The following LRBA variants were observed in gnomAD, a reference collection of about 807,000 sequenced individuals.
LRBA encodes LPS responsive beige-like anchor protein, also known as lipopolysaccharide-responsive and beige-like anchor protein.
In LRBA, 176 loss-of-function variants were observed where a neutral mutation model predicts 330.0. That is an observed-to-expected ratio of 0.53 (90% CI 0.47 to 0.60). The LOEUF is 0.60. Ranked by LOEUF, LRBA falls within the 20% of genes least tolerant of loss-of-function variation. The probability of loss-of-function intolerance (pLI) is 0.00; values close to 1 mark genes in which losing one functional copy is unlikely to be tolerated. For missense variants in LRBA, 3,259 were observed against 3,444.8 expected, an observed-to-expected ratio of 0.95 and a Z score of 1.35; for synonymous variants, 1,230 against 1,193.0, an observed-to-expected ratio of 1.03 and a Z score of -0.64.
At chr4:150,880,881 C>A (rs948603467) in intron 17 of LRBA, among the ~76,000 whole-genome samples, 2 of 152,032 alleles carry the variant, frequency 1.3e-5, no homozygotes, top group African/African-American at 2.4e-5. Flanking sequence ...GGAAACGCCA[C>A]AAACAGACAC....
At chr4:150,821,303 G>A (rs1745404170) in intron 30 of LRBA, among the ~76,000 whole-genome samples, 1 of 151,792 alleles carries the variant, frequency 6.6e-6, no homozygotes, top group Non-Finnish European at 1.5e-5. Flanking sequence ...TTTTCTTTAT[G>A]AACTCACTAT....
intron 34 of LRBA, among the ~76,000 whole-genome samples, chr4:150,790,205 T>C (rs1739696967): frequency 6.6e-6 from 1 of 152,202 alleles, no homozygotes; most frequent in Non-Finnish European, 1.5e-5. Context: ...GTCAGCATGG[T>C]ATCATCCTTC....
At chr4:150,386,557 GGC>G (rs1203384027) in intron 47 of LRBA, among the ~76,000 whole-genome samples, 2 of 151,798 alleles carry the variant, frequency 1.3e-5, no homozygotes, top group African/African-American at 2.4e-5. Context: ...TGAGGATAAT[GGC>G]CTCCAGCTCC....
At chr4:150,927,157 A>G (rs1733972353) in intron 4 of LRBA, among the ~76,000 whole-genome samples, 1 of 151,800 alleles carries the variant, frequency 6.6e-6, no homozygotes, top group Non-Finnish European at 1.5e-5. Flanking sequence ...GGCAGATCAC[A>G]AGGTTAGGAG....
intron 42 of LRBA, among the ~76,000 whole-genome samples, chr4:150,476,037 G>C (rs536546679): frequency 6.6e-6 from 1 of 152,124 alleles, no homozygotes; most frequent in South Asian, 2.1e-4. Context: ...CAATTTTACT[G>C]ATCTTTGCAA....
At chr4:150,620,421 G>A (rs1390630827) in intron 37 of LRBA, among the ~76,000 whole-genome samples, 1 of 152,100 alleles carries the variant, frequency 6.6e-6, no homozygotes, top group Non-Finnish European at 1.5e-5. Context: ...ATTAAAAGTA[G>A]GTCTACCATT....
intron 40 of LRBA, among the ~76,000 whole-genome samples, chr4:150,558,653 A>T (rs1329879267): frequency 6.6e-5 from 10 of 152,140 alleles, no homozygotes; most frequent in Admixed American, 6.6e-4. Flanking sequence ...AGAAACTAAG[A>T]CCTGGGCATT....
chr4:150,836,617 T>C (rs538982364), intron 28 of LRBA, among the ~76,000 whole-genome samples: 2 of 152,354 alleles, frequency 1.3e-5, no homozygotes, highest in East Asian at 3.9e-4. Flanking sequence ...TGGTAATTTG[T>C]ATTTCTGTGG....
intron 34 of LRBA, among the ~76,000 whole-genome samples, chr4:150,790,455 T>C (rs1578791152): frequency 6.6e-6 from 1 of 152,022 alleles, no homozygotes; most frequent in African/African-American, 2.4e-5. Flanking sequence ...ATTTTATTTT[T>C]GAAAAGAAAA....
At chr4:150,649,369 G>A (rs569033216) in intron 37 of LRBA, among the ~76,000 whole-genome samples, 72 of 152,186 alleles carry the variant, frequency 4.7e-4, no homozygotes, top group Admixed American at 8.5e-4. Context: ...CATACCACTC[G>A]TTCTAGATGA....
chr4:150,946,303 C>T (rs1265349130), intron 2 of LRBA, among the ~76,000 whole-genome samples: 1 of 152,076 alleles, frequency 6.6e-6, no homozygotes, highest in African/African-American at 2.4e-5. Flanking sequence ...ATATAAGACT[C>T]CACCCAATTA....
At position 150,852,010 on chromosome 4, in the gene LRBA, C is replaced by T. The variant is rs1750673574; in HGVS notation, c.3700G>A (p.Glu1234Lys). ...LINDCHGSVS[E>K]ASSEQKIAKL... is the part of the protein sequence containing the mutation. ...GCAATCTTTTGCTCAGAAGAAGCCT[C>T]AGAGACACTACCATGACAATCATTA... The change falls in exon 23 of 57, where the codon GAG becomes AAG. Residue 1234 changes from glutamate (E) to lysine (K), a missense_variant. Physicochemically the swap from Glu to Lys is moderately conservative, Grantham distance 56. Transcript: ENST00000651943. The T allele has an allele frequency of 1.2e-6, 2 of 1,614,132 alleles. No individual in the cohort carries two copies. The highest frequency in any genetic ancestry group is 4.5e-5 in the East Asian group (2 of 44,864).
intron 2 of LRBA, among the ~76,000 whole-genome samples, chr4:150,967,066 TAA>T (rs961448437): frequency 6.6e-6 from 1 of 152,186 alleles, no homozygotes; most frequent in Non-Finnish European, 1.5e-5. Context: ...TGGTTTTTAA[TAA>T]AAGTCTAATT....
chr4:150,545,389 T>C (rs1765746056), intron 40 of LRBA, among the ~76,000 whole-genome samples: 1 of 152,210 alleles, frequency 6.6e-6, no homozygotes, highest in Admixed American at 6.5e-5. Context: ...TGAAATTTCA[T>C]ATCCTTCGTG....
intron 2 of LRBA, among the ~76,000 whole-genome samples, chr4:151,012,612 CTGT>C (rs1744977645): frequency 6.6e-6 from 1 of 152,164 alleles, no homozygotes; most frequent in African/African-American, 2.4e-5. Context: ...ATGTTGACAA[CTGT>C]TGAAGCTGCA....
rs1480519409 is a variant in LRBA, at chr4:150,506,644, G to A, written c.6331-15609C>T. 4.6e-5 allele frequency among the ~76,000 whole-genome samples: 7 copies of A among 152,218 alleles called. 1 individual carries two copies. The highest frequency in any genetic ancestry group is 6.8e-3 in the Middle Eastern group (2 of 294). On this transcript the variant is annotated intron_variant, in intron 40 of 56. Coordinates refer to ENST00000651943, the MANE Select transcript of LRBA (RefSeq NM_001364905.1). ...TCATACTGAATGGACAAAAACTGGA[G>A]GCATTCCCTTTGAAAACTGGCACAA...
intron 36 of LRBA, among the ~76,000 whole-genome samples, chr4:150,719,645 T>C (rs1728670665): frequency 6.6e-6 from 1 of 152,088 alleles, no homozygotes; most frequent in African/African-American, 2.4e-5. Flanking sequence ...CTTAATCATG[T>C]CCCCATGCCC....
intron 36 of LRBA, among the ~76,000 whole-genome samples, chr4:150,716,820 A>G (rs1728260997): frequency 6.6e-6 from 1 of 152,328 alleles, no homozygotes; most frequent in East Asian, 1.9e-4. Context: ...TTATTACAAT[A>G]GCAAAACACT....
At chr4:150,875,628 C>G (rs1047610543) in intron 17 of LRBA, among the ~76,000 whole-genome samples, 11 of 152,154 alleles carry the variant, frequency 7.2e-5, no homozygotes, top group African/African-American at 2.4e-4. Context: ...GCTACAGAAG[C>G]AAAGCCAAAA....
Sources: allele counts gnomAD v4.1 joint callset (sites outside exome capture counted in the v4.1 genomes callset), GRCh38; gene constraint gnomAD v4.1.1; transcripts MANE v1.5; gene names NCBI Gene and HGNC (gene_info 2026-07-23, HGNC 2026-07-21).